The following ZNF98 variants were observed in gnomAD, a reference collection of about 807,000 sequenced individuals.
ZNF98 encodes zinc finger protein 739.
Under a neutral mutation model 12.8 loss-of-function variants are expected in ZNF98, and 8 were observed. That is an observed-to-expected ratio of 0.63 (90% CI 0.37 to 1.13). ZNF98 has a LOEUF of 1.13. Among genes scored for constraint, ZNF98 ranks in the 50% most tolerant of loss-of-function variants. The pLI is 0.01. For missense variants in ZNF98, 379 were observed against 666.1 expected (o/e 0.57, Z 4.74); for synonymous variants, 112 against 223.5 (o/e 0.50, Z 4.45).
chr19:22,402,590 T>A (rs1223415196), intron 3 of ZNF98, 199 bp downstream of exon 3: 2 of 537,574 alleles, frequency 3.7e-6, no homozygotes, highest in African/African-American at 4.0e-5. Context: ...AAAGGGAAAG[T>A]AAAATCTTTA....
At chr19:22,417,995 CA>C (rs1969663862) in intron 1 of ZNF98, among the ~76,000 whole-genome samples, 1 of 152,130 alleles carries the variant, frequency 6.6e-6, no homozygotes, top group Non-Finnish European at 1.5e-5. Flanking sequence ...CCCAGACACC[CA>C]GAGTTTTATT....
At chr19:22,402,071 G>C (rs1969464025) in intron 3 of ZNF98, among the ~76,000 whole-genome samples, 1 of 149,264 alleles carries the variant, frequency 6.7e-6, no homozygotes, top group South Asian at 2.1e-4. Flanking sequence ...AGCTACTCAG[G>C]AGGCTGAGGC....
chr19:22,406,374 A>C (rs1427061743), intron 1 of ZNF98, among the ~76,000 whole-genome samples: 1 of 152,118 alleles, frequency 6.6e-6, no homozygotes, highest in Non-Finnish European at 1.5e-5. Flanking sequence ...AATCACAGCA[A>C]CCATACAGAA....
In ZNF98 at chr19:22,392,950, C is replaced by A; in HGVS notation, c.285G>T (p.Trp95Cys). The A allele has an allele frequency of 6.4e-7, 1 of 1,557,084 alleles. No individual in the cohort carries two copies. Among genetic ancestry groups the A allele is most frequent in the Non-Finnish European group, 8.6e-7 (1 of 1,156,840 alleles). Residue 95 changes from tryptophan to cysteine, a missense_variant, in exon 4 of 4, where the codon TGG becomes TGT. Coordinates refer to ENST00000357774, the MANE Select transcript of ZNF98 (RefSeq NM_001098626.2). ...AATAATTTTTTTTGCCCTGCTTTGG[C>A]CAAAGGTCTTGGGCAAAATAAGAAT... ...VVYSYFAQDL[W>C]PKQGKKNYFQ...
intron 1 of ZNF98, among the ~76,000 whole-genome samples, chr19:22,410,453 A>T (rs1969568781): frequency 6.6e-6 from 1 of 152,214 alleles, no homozygotes; most frequent in African/African-American, 2.4e-5. Context: ...CTTTGCAGGA[A>T]CATGGATTAA....
chr19:22,395,260 A>T (rs1399637023), intron 3 of ZNF98, among the ~76,000 whole-genome samples: 1 of 151,902 alleles, frequency 6.6e-6, no homozygotes, highest in African/African-American at 2.4e-5. Context: ...GACAAGGCAC[A>T]TCCTAAGAAC....
chr19:22,399,019 C>T (rs542497226), intron 3 of ZNF98, among the ~76,000 whole-genome samples: 16 of 152,166 alleles, frequency 1.1e-4, no homozygotes, highest in East Asian at 3.9e-4. Context: ...AACCCCACAC[C>T]GACTTACATG....
intron 3 of ZNF98, among the ~76,000 whole-genome samples, chr19:22,396,108 TAA>T (rs1423703573): frequency 2.0e-5 from 3 of 151,984 alleles, no homozygotes; most frequent in African/African-American, 7.2e-5. Context: ...TGCACATACA[TAA>T]AAACAGAATC....
intron 1 of ZNF98, among the ~76,000 whole-genome samples, chr19:22,408,882 A>C (rs1469534309): frequency 1.3e-5 from 2 of 152,200 alleles, no homozygotes; most frequent in African/African-American, 4.8e-5. Flanking sequence ...TATGGACTCA[A>C]TGTTATTCCC....
chr19:22,402,190 A>G (rs1048456869), intron 3 of ZNF98, among the ~76,000 whole-genome samples: 2 of 150,592 alleles, frequency 1.3e-5, no homozygotes, highest in East Asian at 1.9e-4. Context: ...AAAAAAAAAA[A>G]AAAAAGAAAG....
At chr19:22,403,322 T>C in intron 2 of ZNF98, 64 bp downstream of exon 2, 2 of 1,500,696 alleles carry the variant, frequency 1.3e-6, no homozygotes, top group Non-Finnish European at 8.9e-7. Context: ...AAAACCATTC[T>C]ACAAAAAAGA....
intron 3 of ZNF98, among the ~76,000 whole-genome samples, chr19:22,396,859 G>A (rs1409791261): frequency 6.6e-6 from 1 of 152,134 alleles, no homozygotes; most frequent in Non-Finnish European, 1.5e-5. Context: ...GGTGGCTCAC[G>A]CCTGTAATCC....
intron 3 of ZNF98, 63 bp from the exon 4 acceptor site, chr19:22,393,044 A>ATT (rs1348721538): frequency 7.2e-7 from 1 of 1,393,648 alleles, no homozygotes; most frequent in East Asian, 2.6e-5. Context: ...TACTTTACAA[A>ATT]TCTAACCTAT....
intron 1 of ZNF98, among the ~76,000 whole-genome samples, chr19:22,404,469 T>C (rs909435106): frequency 1.3e-5 from 2 of 152,222 alleles, no homozygotes; most frequent in Non-Finnish European, 2.9e-5. Flanking sequence ...TGATTGTTTA[T>C]GCACATCTGC....
chr19:22,410,234 G>A (rs1250772668), intron 1 of ZNF98, among the ~76,000 whole-genome samples: 1 of 152,156 alleles, frequency 6.6e-6, no homozygotes, highest in African/African-American at 2.4e-5. Context: ...ATTTGACCCA[G>A]CAATCCCATT....
intron 1 of ZNF98, among the ~76,000 whole-genome samples, chr19:22,409,865 T>C (rs1391192305): frequency 1.4e-5 from 2 of 144,640 alleles, no homozygotes; most frequent in African/African-American, 2.7e-5. Context: ...TGAGCAGAGA[T>C]TGCGCCACTG....
chr19:22,412,731 G>C (rs1339722541), intron 1 of ZNF98, among the ~76,000 whole-genome samples: 3 of 152,034 alleles, frequency 2.0e-5, no homozygotes, highest in Admixed American at 6.6e-5. Context: ...GATCGAGTAG[G>C]GTTTATTTTT....
intron 1 of ZNF98, among the ~76,000 whole-genome samples, chr19:22,417,575 T>C (rs1404490074): frequency 6.6e-6 from 1 of 152,032 alleles, no homozygotes; most frequent in African/African-American, 2.4e-5. Context: ...TATACTCTGA[T>C]GGATTTTTGT....
At chr19:22,395,247 T>C (rs553505582) in intron 3 of ZNF98, among the ~76,000 whole-genome samples, 8 of 151,244 alleles carry the variant, frequency 5.3e-5, no homozygotes, top group Non-Finnish European at 1.0e-4. Flanking sequence ...ACACAAAATT[T>C]TAGACAAGGC....
Sources: gnomAD v4.1 joint callset for allele counts (sites outside exome capture counted in the v4.1 genomes callset) on GRCh38, gnomAD v4.1.1 for gene constraint, MANE v1.5 for transcripts, NCBI Gene and HGNC (gene_info 2026-07-23, HGNC 2026-07-21) for gene names.